HEPH: variants seen among roughly 807,000 people sequenced by gnomAD.
HEPH encodes the protein hephaestin.
In HEPH, 69 loss-of-function variants were observed where a neutral mutation model predicts 80.8. The observed-to-expected ratio is 0.85, with a 90% CI of 0.70 to 1.04. The LOEUF (loss-of-function observed/expected upper bound fraction) is 1.04. Ranked by LOEUF, HEPH falls within the 50% of genes least tolerant of loss-of-function variation. HEPH has a pLI of 0.00. For synonymous variants in HEPH, 431 were observed against 322.8 expected, an observed-to-expected ratio of 1.34 and a Z score of -3.60; for missense variants, 1,115 against 891.3, an observed-to-expected ratio of 1.25 and a Z score of -3.20.
chrX:66,232,136 T>A (rs973793385), intron 15 of HEPH, among the ~76,000 whole-genome samples: 19 of 110,575 alleles, frequency 1.7e-4, no homozygotes, highest in Non-Finnish European at 3.0e-4. Flanking sequence ...GCCCACTTGA[T>A]CATGGTGGAT....
chrX:66,218,521 GA>G (rs2089494600), intron 15 of HEPH, among the ~76,000 whole-genome samples: 1 of 111,614 alleles, frequency 9.0e-6, no homozygotes, highest in African/African-American at 3.3e-5. Context: ...ACAACCTATC[GA>G]AACCTCTGGG....
At chrX:66,266,293 G>C (rs1209081615) in intron 20 of HEPH, 147 bp from the exon 21 acceptor site, 1 of 457,351 alleles carries the variant, frequency 2.2e-6, no homozygotes, top group Non-Finnish European at 3.8e-6. Flanking sequence ...CTCTAAATCT[G>C]TCTTCATCAG....
At chrX:66,255,192 G>T (rs774065772) in intron 16 of HEPH, 51 bp downstream of exon 16, 13 of 839,089 alleles carry the variant, frequency 1.5e-5, no homozygotes, top group African/African-American at 4.0e-5. Context: ...CTGGCAAAAA[G>T]AAGCTATTAA....
chrX:66,168,207 A>G (rs988089033), intron 1 of HEPH, among the ~76,000 whole-genome samples: 1 of 111,921 alleles, frequency 8.9e-6, no homozygotes, highest in Non-Finnish European at 1.9e-5. Context: ...GGCCTTCTGG[A>G]GCAGTTAGTA....
intron 10 of HEPH, among the ~76,000 whole-genome samples, chrX:66,198,095 C>G (rs1012237478): frequency 9.0e-6 from 1 of 111,438 alleles, no homozygotes; most frequent in African/African-American, 3.3e-5. Flanking sequence ...ATATATCTTC[C>G]TTAGCCTTGC....
At chrX:66,203,950 C>A (rs190914862) in intron 13 of HEPH, among the ~76,000 whole-genome samples, 60 of 112,403 alleles carry the variant, frequency 5.3e-4, no homozygotes, top group African/African-American at 1.9e-3. Context: ...AGCTATGTAG[C>A]AGAAAATGTC....
chrX:66,211,295 G>A (rs2089102004), intron 15 of HEPH, among the ~76,000 whole-genome samples: 1 of 111,375 alleles, frequency 9.0e-6, no homozygotes, highest in South Asian at 3.7e-4. Context: ...CAAATGTAAG[G>A]AGTATATGAG....
In HEPH at chrX:66,226,326, AATGCCT is replaced by A. The variant is rs1330052377; in HGVS notation, c.2563+18082_2563+18087del. 2.7e-5 allele frequency among the ~76,000 whole-genome samples: 3 copies of A among 112,021 alleles called. No homozygotes were observed. The Admixed American group carries it at 2.8e-4, about 11-fold the overall frequency. On this transcript the variant is annotated intron_variant, in intron 15 of 20. Coordinates refer to ENST00000343002, the MANE Select transcript of HEPH (RefSeq NM_001367233.3). Reference sequence around the variant, plus strand: ...ACTAAGAGAAAAGTTTAAACATTTAAATGCCTACATCAGGAATTCTGAAAAAGCATA... The same window carrying A: ...ACTAAGAGAAAAGTTTAAACATTTAAACATCAGGAATTCTGAAAAAGCATA...
intron 1 of HEPH, among the ~76,000 whole-genome samples, chrX:66,168,947 G>GT (rs1161642942): frequency 1.8e-5 from 2 of 111,523 alleles, no homozygotes; most frequent in Non-Finnish European, 3.8e-5. Flanking sequence ...GAATGTATGT[G>GT]TTTTTTCATA....
chrX:66,200,673 G>A lies in HEPH; in HGVS notation c.1998G>A (p.Gln666=). ...HGVMFQGNTV[Q]LQGMRKGAAM... is the part of the protein sequence containing the mutation. ...TCATGTTCCAGGGCAACACTGTGCA[G>A]CTTCAGGGCATGAGGAAGGGTGCAG... The change falls in exon 12 of 21, where the codon CAG becomes CAA. Residue 666 remains glutamine (Q), a synonymous_variant. Transcript: ENST00000343002. The A allele has an allele frequency of 8.3e-7, 1 of 1,211,595 alleles. No individual in the cohort carries two copies. The highest frequency in any genetic ancestry group is 1.1e-6 in the Non-Finnish European group (1 of 895,398).
At chrX:66,232,809 T>C (rs1306365640) in intron 15 of HEPH, among the ~76,000 whole-genome samples, 1 of 110,959 alleles carries the variant, frequency 9.0e-6, no homozygotes. Context: ...TATCAGTAAA[T>C]CTGATGCCAG....
chrX:66,209,276 T>G (rs2088980366), intron 15 of HEPH, among the ~76,000 whole-genome samples: 1 of 112,405 alleles, frequency 8.9e-6, no homozygotes, highest in Non-Finnish European at 1.9e-5. Context: ...AGGTGATATC[T>G]CAGCTGAGAC....
At chrX:66,258,145 C>T (rs1456243026) in intron 17 of HEPH, among the ~76,000 whole-genome samples, 2 of 111,534 alleles carry the variant, frequency 1.8e-5, no homozygotes, top group Non-Finnish European at 3.8e-5. Flanking sequence ...TACATTCTTT[C>T]CTGCATATTA....
chrX:66,181,634 T>C (rs1397591020), intron 4 of HEPH, among the ~76,000 whole-genome samples: 1 of 20,972 alleles, frequency 4.8e-5, no homozygotes, highest in African/African-American at 1.9e-4. Context: ...GAAAATTTTC[T>C]CCCATGTTGT....
At chrX:66,170,496 C>T (rs938925179) in intron 1 of HEPH, 62 bp from the exon 2 acceptor site, 9 of 1,027,507 alleles carry the variant, frequency 8.8e-6, no homozygotes, top group Middle Eastern at 3.8e-4. Context: ...TTTCTGGACA[C>T]GTAGAAAGCC....
At chrX:66,207,754 G>C (rs2088870824) in intron 14 of HEPH, among the ~76,000 whole-genome samples, 1 of 111,803 alleles carries the variant, frequency 8.9e-6, no homozygotes, top group Non-Finnish European at 1.9e-5. Context: ...CTCCTAAAGA[G>C]ATCCTCTCAA....
At chrX:66,191,468 G>T (rs1326656745) in intron 6 of HEPH, among the ~76,000 whole-genome samples, 2 of 112,105 alleles carry the variant, frequency 1.8e-5, no homozygotes, top group Non-Finnish European at 3.8e-5. Context: ...GCTGTGGGAT[G>T]CTAATAAAAT....
At chrX:66,254,961 C>T (rs755714473) in intron 15 of HEPH, 74 bp from the exon 16 acceptor site, 59 of 570,952 alleles carry the variant, frequency 1.0e-4, no homozygotes, top group Non-Finnish European at 1.5e-4. Flanking sequence ...CTCACCACTG[C>T]CTCTTGGGGA....
intron 19 of HEPH, among the ~76,000 whole-genome samples, chrX:66,260,550 C>T (rs1187119398): frequency 1.8e-5 from 2 of 111,713 alleles, no homozygotes; most frequent in Admixed American, 1.9e-4. Context: ...AGCCTGAAAC[C>T]GGTTTGGCTC....
Sources: gnomAD v4.1 joint callset for allele counts (sites outside exome capture counted in the v4.1 genomes callset) on GRCh38, gnomAD v4.1.1 for gene constraint, MANE v1.5 for transcripts, NCBI Gene and HGNC (gene_info 2026-07-23, HGNC 2026-07-21) for gene names.